The following CXorf66 variants were observed in gnomAD, a reference collection of about 807,000 sequenced individuals.
The protein encoded by CXorf66 is chromosome X open reading frame 66, also known as uncharacterized protein CXorf66.
In CXorf66, 6 loss-of-function variants were observed where a neutral mutation model predicts 5.0. That is an observed-to-expected ratio of 1.20 (90% confidence interval 0.65 to 2.36). The LOEUF is 2.36. Ranked by LOEUF, CXorf66 falls within the 30% of genes most tolerant of loss-of-function variation. The pLI, the probability that CXorf66 is intolerant of heterozygous loss-of-function variation, is 0.00. For synonymous variants in CXorf66, 98 were observed against 102.8 expected, an observed-to-expected ratio of 0.95 and a Z score of 0.28; for missense variants, 270 against 254.9, an observed-to-expected ratio of 1.06 and a Z score of -0.40.
chrX:139,960,334 A>C (rs906383257), intron 1 of CXorf66, among the ~76,000 whole-genome samples: 9 of 108,888 alleles, frequency 8.3e-5, no homozygotes, highest in Admixed American at 2.0e-4. Flanking sequence ...TCAGAGATTG[A>C]AGATCAACTT....
intron 1 of CXorf66, among the ~76,000 whole-genome samples, chrX:139,965,090 A>G (rs1005361864): frequency 1.8e-5 from 2 of 111,424 alleles, no homozygotes; most frequent in South Asian, 3.8e-4. Flanking sequence ...AAAACAAAAA[A>G]CAAAAATAAA....
At position 139,965,472 on chromosome X, in the gene CXorf66, G is replaced by A. The variant is rs1926668461; in HGVS notation, c.25C>T (p.Leu9Phe). 2 of 1,206,009 alleles carry A rather than the reference G, an allele frequency of 1.7e-6. No individual in the cohort carries two copies. The highest frequency in any genetic ancestry group is 1.7e-5 in the African/African-American group (1 of 57,540). The change falls in exon 1 of 3, where the codon CTT (leucine) becomes TTT (phenylalanine). Residue 9 changes from leucine (L) to phenylalanine (F), a missense_variant. By Grantham distance (22) the Leu-to-Phe change is conservative (BLOSUM62 0). Transcript: ENST00000370540. MNLVICVL[L>F]LSIWKNNCMT... ...CAATTATTTTTCCAAATGGACAAAA[G>A]TAGGACACAAATAACAAGATTCATG...
At chrX:139,962,822 CA>C (rs1297227968) in intron 1 of CXorf66, among the ~76,000 whole-genome samples, 12 of 111,508 alleles carry the variant, frequency 1.1e-4, no homozygotes, top group Admixed American at 5.8e-4. Flanking sequence ...TTACAAAAGC[CA>C]CATGATTATC....
At chrX:139,962,411 T>G (rs770859315) in intron 1 of CXorf66, among the ~76,000 whole-genome samples, 1 of 111,341 alleles carries the variant, frequency 9.0e-6, no homozygotes, top group South Asian at 3.8e-4. Flanking sequence ...TAACAAGTTC[T>G]GAAATTGAGG....
In CXorf66 at chrX:139,956,013, A is replaced by T. The variant is rs930888606; in HGVS notation, c.969T>A (p.His323Gln). The T allele has an allele frequency of 3.3e-6, 4 of 1,209,530 alleles. No homozygotes were observed. The highest frequency in any genetic ancestry group is 4.5e-6 in the Non-Finnish European group (4 of 894,868). Residue 323 changes from histidine to glutamine, a missense_variant, in exon 3 of 3, where the codon CAT becomes CAA. Physicochemically the swap from His to Gln is conservative, Grantham distance 24. Coordinates refer to ENST00000370540, the MANE Select transcript of CXorf66 (RefSeq NM_001013403.3). ...ATTTCATCGTATCACTGTCATTCACATGATCACCGTATGCATTGTTCCTGG... is the reference window on the plus strand; with the variant it reads ...ATTTCATCGTATCACTGTCATTCACTTGATCACCGTATGCATTGTTCCTGG... ...LDSRNNAYGD[H>Q]VNDSDTMKYY... is the part of the protein sequence containing the mutation.
At chrX:139,965,054 C>T (rs1419619825) in intron 1 of CXorf66, among the ~76,000 whole-genome samples, 1 of 111,112 alleles carries the variant, frequency 9.0e-6, no homozygotes, top group Non-Finnish European at 1.9e-5. Flanking sequence ...ACGTTCTGCA[C>T]ATGTATCCCA....
At chrX:139,959,334 C>T (rs1160983531) in intron 1 of CXorf66, among the ~76,000 whole-genome samples, 1 of 111,835 alleles carries the variant, frequency 8.9e-6, no homozygotes, top group African/African-American at 3.3e-5. Context: ...CACAGCGCTG[C>T]AAAGCAACTG....
In CXorf66 at chrX:139,956,968, C is replaced by A. The variant is rs2085576330; in HGVS notation, c.243-229G>T. 2.7e-5 allele frequency among the ~76,000 whole-genome samples: 3 copies of A among 110,859 alleles called. No individual in the cohort carries two copies. The South Asian group carries it at 1.1e-3, about 42-fold the overall frequency. Reference sequence around the variant, plus strand: ...ATCACTTGAGGCCAGGAGTTCGAGACCAGGCTGGCCAACATGGTGAAACTC... The same window carrying A: ...ATCACTTGAGGCCAGGAGTTCGAGAACAGGCTGGCCAACATGGTGAAACTC... On this transcript the variant is annotated intron_variant, in intron 2 of 2. Transcript: ENST00000370540.
chrX:139,959,799 C>A (rs1330042720), intron 1 of CXorf66, among the ~76,000 whole-genome samples: 1 of 111,681 alleles, frequency 9.0e-6, no homozygotes, highest in Admixed American at 9.5e-5. Context: ...GAGTGGACCT[C>A]CAGCAAACTG....
In CXorf66 at chrX:139,956,145, A is replaced by G. The variant is rs142686409; in HGVS notation, c.837T>C (p.Tyr279=). The change falls in exon 3 of 3, where the codon TAT becomes TAC. Residue 279 remains tyrosine, a synonymous_variant. Coordinates refer to ENST00000370540, the MANE Select transcript of CXorf66 (RefSeq NM_001013403.3). ...CAGAAATATCATTGACCAAAGGCCTATAAGTTTTGGCAACAAGATGTTTTT... is the reference window on the plus strand; with the variant it reads ...CAGAAATATCATTGACCAAAGGCCTGTAAGTTTTGGCAACAAGATGTTTTT... ...YKKKHLVAKT[Y]RPLVNDISEA... is the part of the protein sequence containing the mutation. 1.3e-4 allele frequency: 161 copies of G among 1,210,294 alleles called. No individual in the cohort carries two copies. The African/African-American group carries it at 2.5e-3, about 19-fold the overall frequency.
Position 139,960,451 on chromosome X carries a change from G to T in CXorf66, c.89-2234C>A, listed in dbSNP as rs188101455. ...ATGTGAAAAGACCAAACCTACGATT[G>T]ATTGGTGCACCTGAAAGTGACGGGG... is the stretch of plus-strand genomic sequence containing the variant. On this transcript the variant is annotated intron_variant, in intron 1 of 2. Transcript: ENST00000370540. Among the ~76,000 whole-genome samples, 293 of 110,792 alleles carry T rather than the reference G, an allele frequency of 2.6e-3. 2 individuals are homozygous for T. The highest frequency in any genetic ancestry group is 9.3e-3 in the African/African-American group (284 of 30,548).
intron 1 of CXorf66, among the ~76,000 whole-genome samples, chrX:139,961,401 C>A (rs2085593102): frequency 8.9e-6 from 1 of 111,896 alleles, no homozygotes. Flanking sequence ...TAGATATGCA[C>A]CCAATACAGG....
At chrX:139,963,405 A>G (rs1429842287) in intron 1 of CXorf66, among the ~76,000 whole-genome samples, 1 of 111,962 alleles carries the variant, frequency 8.9e-6, no homozygotes, top group Non-Finnish European at 1.9e-5. Context: ...GCTCAAGGAA[A>G]TAAGAGAGGT....
At chrX:139,957,579 C>G (rs770671829) in intron 2 of CXorf66, among the ~76,000 whole-genome samples, 4 of 111,576 alleles carry the variant, frequency 3.6e-5, no homozygotes, top group East Asian at 5.6e-4. Flanking sequence ...ACTGGTACCA[C>G]GTTTTAGTCA....
chrX:139,964,744 G>A (rs1222146053), intron 1 of CXorf66, among the ~76,000 whole-genome samples: 3 of 111,570 alleles, frequency 2.7e-5, no homozygotes. Flanking sequence ...AAAAAAGAAT[G>A]AGTTCATGTC....
Position 139,956,175 on chromosome X carries a change from G to A in CXorf66, c.807C>T (p.Tyr269=). The A allele has an allele frequency of 8.3e-7, 1 of 1,211,542 alleles. No homozygotes were observed. The highest frequency in any genetic ancestry group is 1.1e-6 in the Non-Finnish European group (1 of 895,316). The change falls in exon 3 of 3, where the codon TAC becomes TAT. Residue 269 remains tyrosine, a synonymous_variant. Coordinates refer to ENST00000370540, the MANE Select transcript of CXorf66 (RefSeq NM_001013403.3). The stretch of plus-strand genomic sequence containing the variant: ...TTTTGGCAACAAGATGTTTTTTCTT[G>A]TAGGGTTGACAAGTTTCAGCTAATT... The part of the protein sequence containing the change: ...NSELAETCQP[Y]KKKHLVAKTY...
At chrX:139,962,772 GT>G (rs1158256200) in intron 1 of CXorf66, among the ~76,000 whole-genome samples, 1 of 111,607 alleles carries the variant, frequency 9.0e-6, no homozygotes, top group Non-Finnish European at 1.9e-5. Flanking sequence ...TTCAACAAAC[GT>G]AAATCAATAA....
At position 139,956,177 on chromosome X, in the gene CXorf66, A is replaced by T. The variant is rs1603422486; in HGVS notation, c.805T>A (p.Tyr269Asn). 1 of 1,211,253 alleles carries T rather than the reference A, an allele frequency of 8.3e-7. No homozygotes were observed. Among genetic ancestry groups the T allele is most frequent in the Non-Finnish European group, 1.1e-6 (1 of 895,084 alleles). The change falls in exon 3 of 3, where the codon TAC becomes AAC. Residue 269 changes from tyrosine to asparagine, a missense_variant. By Grantham distance (143) the Tyr-to-Asn change is moderately radical. Coordinates refer to ENST00000370540, the MANE Select transcript of CXorf66 (RefSeq NM_001013403.3). Reference protein sequence around the residue: ...NSELAETCQPYKKKHLVAKTY... With the variant: ...NSELAETCQPNKKKHLVAKTY... ...TTGGCAACAAGATGTTTTTTCTTGT[A>T]GGGTTGACAAGTTTCAGCTAATTCA...
chrX:139,964,200 C>A (rs1480499749), intron 1 of CXorf66, among the ~76,000 whole-genome samples: 1 of 111,905 alleles, frequency 8.9e-6, no homozygotes, highest in Non-Finnish European at 1.9e-5. Flanking sequence ...CTATAAGGAA[C>A]TTAAACAAAT....
Sources: allele counts gnomAD v4.1 joint callset (sites outside exome capture counted in the v4.1 genomes callset), GRCh38; gene constraint gnomAD v4.1.1; transcripts MANE v1.5; gene names NCBI Gene and HGNC (gene_info 2026-07-23, HGNC 2026-07-21).